PPP2R2C: variants seen among roughly 807,000 people sequenced by gnomAD.
PPP2R2C encodes the protein protein phosphatase 2, regulatory subunit B, gamma.
Under a neutral mutation model 45.3 loss-of-function variants are expected in PPP2R2C, and 10 were observed. That is an observed-to-expected ratio of 0.22 (90% confidence interval 0.14 to 0.37). The LOEUF (loss-of-function observed/expected upper bound fraction) is 0.37. Ranked by LOEUF, PPP2R2C falls within the 10% of genes least tolerant of loss-of-function variation. The pLI, the probability that PPP2R2C is intolerant of heterozygous loss-of-function variation, is 1.00. For synonymous variants in PPP2R2C, 257 were observed against 245.4 expected (o/e 1.05, Z -0.44); for missense variants, 308 against 619.7 (o/e 0.50, Z 5.34).
At chr4:6,424,320 G>A (rs931429832) in intron 1 of PPP2R2C, among the ~76,000 whole-genome samples, 1 of 152,232 alleles carries the variant, frequency 6.6e-6, no homozygotes, top group African/African-American at 2.4e-5. Flanking sequence ...GCCATCCTGC[G>A]TGAGCTGACG....
At chr4:6,515,836 C>A (rs1370877449) in intron 2 of PPP2R2C, among the ~76,000 whole-genome samples, 1 of 152,180 alleles carries the variant, frequency 6.6e-6, no homozygotes. Context: ...CCGGCAGAGC[C>A]ACCAGGGATC....
chr4:6,347,829 C>A lies in PPP2R2C; in HGVS notation c.790+17G>T. 4 of 1,597,078 alleles carry A rather than the reference C, an allele frequency of 2.5e-6. No homozygotes were observed. In the South Asian group the frequency reaches 4.5e-5, roughly 18 times the overall value. On this transcript the variant is annotated intron_variant, in intron 6 of 8. Transcript: ENST00000382599. Reference sequence around the variant, plus strand: ...TGCCCAATGCACAGCCCCCCACCCCCAGGCACCGGCACTTACGCTTGGAAT... The same window carrying A: ...TGCCCAATGCACAGCCCCCCACCCCAAGGCACCGGCACTTACGCTTGGAAT...
chr4:6,476,928 GAAC>G (rs1290760870), upstream of PPP2R2C, among the ~76,000 whole-genome samples: 12 of 152,262 alleles, frequency 7.9e-5, no homozygotes, highest in East Asian at 2.1e-3. Flanking sequence ...GGCTAATTAT[GAAC>G]AACAATTCTG....
chr4:6,459,665 T>C (rs1417762597), intron 1 of PPP2R2C, among the ~76,000 whole-genome samples: 1 of 152,134 alleles, frequency 6.6e-6, no homozygotes, highest in Non-Finnish European at 1.5e-5. Context: ...ACACAGCCTA[T>C]AATGCCAGCT....
chr4:6,454,179 G>T (rs574875721), intron 1 of PPP2R2C, among the ~76,000 whole-genome samples: 2 of 152,274 alleles, frequency 1.3e-5, no homozygotes, highest in East Asian at 3.9e-4. Flanking sequence ...TGGGGGTCTT[G>T]GCTCTGCCCA....
At chr4:6,550,931 C>T (rs547005489) in intron 1 of PPP2R2C, among the ~76,000 whole-genome samples, 195 of 152,338 alleles carry the variant, frequency 1.3e-3, no homozygotes, top group Non-Finnish European at 1.9e-3. Flanking sequence ...CAGGCATGAG[C>T]CACAGTGCCC....
At position 6,328,046 on chromosome 4, in the gene PPP2R2C, C is replaced by T. The variant is rs532550464; in HGVS notation, c.1052+1216G>A. Among the ~76,000 whole-genome samples, 35 of 152,232 alleles carry T rather than the reference C, an allele frequency of 2.3e-4. No homozygotes were observed. Among genetic ancestry groups the T allele is most frequent in the Non-Finnish European group, 3.1e-4 (21 of 67,998 alleles). On this transcript the variant is annotated intron_variant, in intron 8 of 8. Coordinates refer to ENST00000382599, the MANE Select transcript of PPP2R2C (RefSeq NM_020416.4). The surrounding 1 kb of genome is among the most constrained non-coding windows in gnomAD (Gnocchi z 4.4). The stretch of plus-strand genomic sequence containing the variant: ...CCCAGAGCCACAGAGAGTCATAGTG[C>T]GGCAGCTCTCACATGACCACCACAG...
chr4:6,492,720 A>C (rs938114014), intron 2 of PPP2R2C, among the ~76,000 whole-genome samples: 9 of 152,206 alleles, frequency 5.9e-5, no homozygotes, highest in Admixed American at 5.9e-4. Context: ...TGCCAGGCTC[A>C]GGCACTACTT....
intron 2 of PPP2R2C, among the ~76,000 whole-genome samples, chr4:6,528,898 C>T (rs2108820442): frequency 6.6e-6 from 1 of 152,318 alleles, no homozygotes; most frequent in African/African-American, 2.4e-5. Flanking sequence ...ACGGCCCCAC[C>T]CCTATCTCCC....
chr4:6,446,888 A>C lies in PPP2R2C; in HGVS notation c.70+25272T>G, dbSNP rs896982114. Among the ~76,000 whole-genome samples, 4 of 151,768 alleles carry C rather than the reference A, an allele frequency of 2.6e-5. No homozygotes were observed. The South Asian group carries it at 8.3e-4, about 32-fold the overall frequency. ...GCAAAGTGTCTGCTTGTAAAAAAAA[A>C]AAAACAAAACATGCTGGATGGAGGA... On this transcript the variant is annotated intron_variant, in intron 1 of 8. Transcript: ENST00000382599.
intron 2 of PPP2R2C, among the ~76,000 whole-genome samples, chr4:6,521,305 A>T (rs1036874214): frequency 1.3e-5 from 2 of 152,152 alleles, no homozygotes; most frequent in African/African-American, 4.8e-5. Context: ...CTGGTCGTAA[A>T]CCACTGCTCA....
chr4:6,330,588 T>C lies in PPP2R2C; in HGVS notation c.961-1235A>G, dbSNP rs982447754. 6.6e-6 allele frequency among the ~76,000 whole-genome samples: 1 copy of C among 152,126 alleles called. No individual in the cohort carries two copies. The highest frequency in any genetic ancestry group is 2.4e-5 in the African/African-American group (1 of 41,420). On this transcript the variant is annotated intron_variant, in intron 7 of 8. Coordinates refer to ENST00000382599, the MANE Select transcript of PPP2R2C (RefSeq NM_020416.4). This position sits in a 1 kb window ranked among gnomAD's most constrained non-coding sequence, Gnocchi z 7.0. Reference sequence around the variant, plus strand: ...GCTAACAGATGCGTGTGGGCTCGCATAGTCACTCTCCCCTGGGTCACCAGC... The same window carrying C: ...GCTAACAGATGCGTGTGGGCTCGCACAGTCACTCTCCCCTGGGTCACCAGC...
chr4:6,438,990 G>A (rs1389400249), intron 1 of PPP2R2C, among the ~76,000 whole-genome samples: 2 of 152,170 alleles, frequency 1.3e-5, no homozygotes, highest in Non-Finnish European at 2.9e-5. Flanking sequence ...TTGGACAAAG[G>A]ATCCTTTCTT....
intron 1 of PPP2R2C, among the ~76,000 whole-genome samples, chr4:6,419,063 C>A (rs1718791807): frequency 6.6e-6 from 1 of 152,222 alleles, no homozygotes; most frequent in Non-Finnish European, 1.5e-5. Flanking sequence ...CTCAGTGACA[C>A]CCAGCCCAAG....
At chr4:6,467,534 C>A (rs1383980287) in intron 1 of PPP2R2C, among the ~76,000 whole-genome samples, 1 of 152,142 alleles carries the variant, frequency 6.6e-6, no homozygotes, top group Non-Finnish European at 1.5e-5. Flanking sequence ...GAGGGAAAAC[C>A]AGAAATTGGC....
At chr4:6,377,451 T>C (rs542685188) in intron 3 of PPP2R2C, among the ~76,000 whole-genome samples, 5 of 151,190 alleles carry the variant, frequency 3.3e-5, no homozygotes, top group Non-Finnish European at 7.4e-5. Context: ...AGGTCAGGAG[T>C]TCGAGATCAA....
intron 1 of PPP2R2C, among the ~76,000 whole-genome samples, chr4:6,542,636 A>C (rs1724836030): frequency 6.7e-6 from 1 of 149,710 alleles, no homozygotes; most frequent in South Asian, 2.1e-4. Context: ...CCTGGGAGGC[A>C]AAGGTTGCAG....
Position 6,409,119 on chromosome 4 carries a change from G to T in PPP2R2C, c.71-28025C>A, listed in dbSNP as rs148352930. ...TGTGTTCCCTGTGGCACCCAGCATT[G>T]TGCAGCACCCATTGGGTCCATTTTA... is the stretch of plus-strand genomic sequence containing the variant. On this transcript the variant is annotated intron_variant, in intron 1 of 8. Transcript: ENST00000382599. Among the ~76,000 whole-genome samples, 255 of 152,188 alleles carry T rather than the reference G, an allele frequency of 1.7e-3. 1 individual carries two copies. The highest frequency in any genetic ancestry group is 5.8e-3 in the African/African-American group (239 of 41,512).
At chr4:6,438,599 T>C (rs568367126) in intron 1 of PPP2R2C, among the ~76,000 whole-genome samples, 5 of 152,370 alleles carry the variant, frequency 3.3e-5, no homozygotes, top group African/African-American at 1.2e-4. Flanking sequence ...TTTCTTTCAT[T>C]GTGCCAGATT....
Sources: allele counts gnomAD v4.1 joint callset (sites outside exome capture counted in the v4.1 genomes callset), GRCh38; gene constraint gnomAD v4.1.1; non-coding constraint Gnocchi (gnomAD v3.1); transcripts MANE v1.5; gene names NCBI Gene and HGNC (gene_info 2026-07-23, HGNC 2026-07-21).